Variants in CCDC190 observed in about 807,000 individuals in gnomAD.
CCDC190 encodes coiled-coil domain containing 190, also known as coiled-coil domain-containing protein 190.
In CCDC190, 10 loss-of-function variants were observed where a neutral mutation model predicts 13.1. The observed-to-expected ratio is 0.77, with a 90% CI of 0.47 to 1.30. CCDC190 has a LOEUF of 1.30. Among genes scored for constraint, CCDC190 ranks in the 50% most tolerant of loss-of-function variants. CCDC190 has a pLI of 0.00. For missense variants in CCDC190, 375 were observed against 354.3 expected (o/e 1.06, Z -0.47); for synonymous variants, 136 against 127.2 (o/e 1.07, Z -0.47).
upstream of CCDC190, among the ~76,000 whole-genome samples, chr1:162,863,037 C>T (rs1182082275): frequency 4.6e-5 from 7 of 151,706 alleles, no homozygotes; most frequent in South Asian, 8.3e-4. Context: ...AGAAAATCAG[C>T]GAAGATAGTG....
Position 162,853,023 on chromosome 1 carries a change from G to A in CCDC190, c.*1742C>T. The stretch of plus-strand genomic sequence containing the variant: ...GCTGGTGCAAATAAATTAAGTTTTT[G>A]TGAATCAATCAGTTCTGTCACTTAT... On this transcript the variant is annotated 3_prime_UTR_variant, in exon 4 of 4. Coordinates refer to ENST00000367912, the MANE Select transcript of CCDC190 (RefSeq NM_001394065.1). The A allele has an allele frequency of 8.5e-7, 1 of 1,181,620 alleles. No individual in the cohort carries two copies. The highest frequency in any genetic ancestry group is 1.2e-6 in the Non-Finnish European group (1 of 814,622). The allele number at this position is 1,181,620 out of a possible 1,614,324, so 73.2% of individuals were successfully genotyped here.
At position 162,868,174 on chromosome 1, in the gene CCDC190, A is replaced by G. The variant is rs372081093; in HGVS notation, c.-13+479T>C. On this transcript the variant is annotated intron_variant, in intron 1 of 3. Coordinates refer to the CCDC190 transcript ENST00000367910. ...TCTCCACTAAATAAAATTCTGCAGGATGTATTTGAAGCAGAAAGAAATGTT... is the reference window on the plus strand; with the variant it reads ...TCTCCACTAAATAAAATTCTGCAGGGTGTATTTGAAGCAGAAAGAAATGTT... Among the ~76,000 whole-genome samples the G allele has an allele frequency of 5.9e-5, 9 of 152,320 alleles. No individual in the cohort carries two copies. In the South Asian group the frequency reaches 6.2e-4, roughly 11 times the overall value.
In CCDC190 at chr1:162,854,765, T is replaced by C; in HGVS notation, c.906A>G (p.Ter302=). ...GTTATTGTCAGGCTATGTTAAACGG[T>C]TAGAGAGGAAGAAACTTAGAAGGCA... ...NRVPSKFLPL[*] Residue 302 remains the stop codon, a stop_retained_variant, in exon 4 of 4, where the codon TAA becomes TAG. Coordinates refer to ENST00000367912, the MANE Select transcript of CCDC190 (RefSeq NM_001394065.1). The C allele has an allele frequency of 1.2e-6, 2 of 1,604,178 alleles. No homozygotes were observed. The highest frequency in any genetic ancestry group is 1.7e-6 in the Non-Finnish European group (2 of 1,174,294).
chr1:162,858,589 C>T (rs1005434519), intron 2 of CCDC190, among the ~76,000 whole-genome samples: 24 of 152,146 alleles, frequency 1.6e-4, no homozygotes, highest in African/African-American at 5.3e-4. Flanking sequence ...ATTTTATGTT[C>T]GTTTACAGCA....
chr1:162,867,699 G>A (rs1425097414), intron 1 of CCDC190, among the ~76,000 whole-genome samples: 1 of 152,132 alleles, frequency 6.6e-6, no homozygotes, highest in South Asian at 2.1e-4. Flanking sequence ...CCATCAACAA[G>A]TGAACTGATA....
rs754258885 is a variant in CCDC190, at chr1:162,855,648, G to C, written c.295C>G (p.Gln99Glu). The C allele has an allele frequency of 1.2e-6, 2 of 1,613,838 alleles. No individual in the cohort carries two copies. Among genetic ancestry groups the C allele is most frequent in the Non-Finnish European group, 1.7e-6 (2 of 1,179,744 alleles). ...PQGRQKHRAP[Q>E]AKKMRALATR... The stretch of plus-strand genomic sequence containing the variant: ...ATTTCTTACCTCATTTTCTTAGCCT[G>C]TGGGGCTCTGTGCTTCTGCCTTCCC... The change falls in exon 3 of 4, where the codon CAG (glutamine) becomes GAG (glutamate). Residue 99 changes from glutamine to glutamate, a missense_variant. Coordinates refer to ENST00000367912, the MANE Select transcript of CCDC190 (RefSeq NM_001394065.1).
chr1:162,853,238 C>T lies in CCDC190; in HGVS notation c.*1527G>A. 4 of 1,182,776 alleles carry T rather than the reference C, an allele frequency of 3.4e-6. No homozygotes were observed. In the Middle Eastern group the frequency reaches 6.1e-4, roughly 181 times the overall value. 73.3% of individuals were successfully genotyped at this position (1,182,776 alleles called of 1,614,324 possible). ...GTGGTAGTGTGGTGTAATGAAAGAG[C>T]ATGAGCAAGGAAATTGAGTAGAAGA... On this transcript the variant is annotated 3_prime_UTR_variant, in exon 4 of 4. Coordinates refer to ENST00000367912, the MANE Select transcript of CCDC190 (RefSeq NM_001394065.1).
rs1650162368 is a variant in CCDC190 at position 162,852,898 on chromosome 1, G to A, written c.*1867C>T. ...ATTGTGATGACGATAGGCAAGGCTT[G>A]CGTAGAAGACAAGAAGAAAGAACTT... On this transcript the variant is annotated 3_prime_UTR_variant, in exon 4 of 4. Transcript: ENST00000367912. The A allele has an allele frequency of 1.8e-6, 1 of 557,232 alleles. No individual in the cohort carries two copies. The highest frequency in any genetic ancestry group is 1.9e-5 in the African/African-American group (1 of 52,996). 34.5% of individuals were successfully genotyped at this position (557,232 alleles called of 1,614,324 possible).
upstream of CCDC190, among the ~76,000 whole-genome samples, chr1:162,861,493 C>CT (rs1558113614): frequency 6.6e-6 from 1 of 150,540 alleles, no homozygotes; most frequent in Admixed American, 6.6e-5. Flanking sequence ...ATTCCTACTT[C>CT]TTGAAAACCA....
rs968895680 is a variant in CCDC190 at position 162,853,672 on chromosome 1, C to T, written c.*1093G>A. Among the ~76,000 whole-genome samples, 1 of 152,112 alleles carries T rather than the reference C, an allele frequency of 6.6e-6. No homozygotes were observed. The highest frequency in any genetic ancestry group is 1.5e-5 in the Non-Finnish European group (1 of 68,012). On this transcript the variant is annotated 3_prime_UTR_variant, in exon 4 of 4. Coordinates refer to ENST00000367912, the MANE Select transcript of CCDC190 (RefSeq NM_001394065.1). ...AATATCCCAGGCTGGGTTACATCAA[C>T]TATTGATGCCAGAGATGAAATAGGC...
chr1:162,855,821 C>G (rs1650283756), intron 2 of CCDC190, 66 bp from the exon 3 acceptor site: 1 of 1,454,704 alleles, frequency 6.9e-7, no homozygotes, highest in Non-Finnish European at 9.4e-7. Context: ...ATGCTCAAGT[C>G]CTAACCCCCA....
At position 162,853,040 on chromosome 1, in the gene CCDC190, G is replaced by A. The variant is rs1274339753; in HGVS notation, c.*1725C>T. ...AAGTTTTTGTGAATCAATCAGTTCT[G>A]TCACTTATGGCCTGCCTTCCTCTGT... On this transcript the variant is annotated 3_prime_UTR_variant, in exon 4 of 4. Coordinates refer to ENST00000367912, the MANE Select transcript of CCDC190 (RefSeq NM_001394065.1). The A allele has an allele frequency of 7.5e-7, 1 of 1,334,042 alleles. No homozygotes were observed. The highest frequency in any genetic ancestry group is 1.1e-6 in the Non-Finnish European group (1 of 950,332). The allele number at this position is 1,334,042 out of a possible 1,614,324, so 82.6% of individuals were successfully genotyped here.
chr1:162,857,551 C>T (rs1028372336), intron 2 of CCDC190, among the ~76,000 whole-genome samples: 7 of 152,154 alleles, frequency 4.6e-5, no homozygotes, highest in Non-Finnish European at 7.3e-5. Context: ...ATCATGTATG[C>T]GCCTTTATAC....
At position 162,855,656 on chromosome 1, in the gene CCDC190, C is replaced by T. The variant is rs765622936; in HGVS notation, c.287G>A (p.Arg96Lys). 2 of 1,613,848 alleles carry T rather than the reference C, an allele frequency of 1.2e-6. No individual in the cohort carries two copies. The highest frequency in any genetic ancestry group is 8.5e-7 in the Non-Finnish European group (1 of 1,179,770). ...CCTCATTTTCTTAGCCTGTGGGGCT[C>T]TGTGCTTCTGCCTTCCCTGTGGTGA... ...VFSPQGRQKHRAPQAKKMRAL... is the reference protein window; with the variant it reads ...VFSPQGRQKHKAPQAKKMRAL... The change falls in exon 3 of 4, where the codon AGA (arginine) becomes AAA (lysine). Residue 96 changes from arginine to lysine, a missense_variant. By Grantham distance (26) the Arg-to-Lys change is conservative. Coordinates refer to ENST00000367912, the MANE Select transcript of CCDC190 (RefSeq NM_001394065.1).
rs1650425929 is a variant in CCDC190 at position 162,859,558 on chromosome 1, T to TG, written c.88dup (p.Gln30ProfsTer72). The TG allele has an allele frequency of 6.2e-7, 1 of 1,613,850 alleles. No homozygotes were observed. Among genetic ancestry groups the TG allele is most frequent in the African/African-American group, 1.3e-5 (1 of 74,938 alleles). ...AATAACCTTTAGTCTCTGCAGTCTT[T>TG]GGTCCAGTCTGGCTTCAGCCTGCTT... On this transcript the variant is annotated frameshift_variant, in exon 2 of 4. Coordinates refer to ENST00000367912, the MANE Select transcript of CCDC190 (RefSeq NM_001394065.1). LOFTEE classifies it high-confidence loss of function.
At chr1:162,862,359 T>C (rs2102264236), upstream of CCDC190, among the ~76,000 whole-genome samples, 1 of 152,342 alleles carries the variant, frequency 6.6e-6, no homozygotes, top group African/African-American at 2.4e-5. Context: ...AGGAAAAGAA[T>C]GGTGGCCAAA....
In CCDC190 at chr1:162,859,512, C is replaced by A; in HGVS notation, c.135G>T (p.Leu45Phe). ...GGAGCTGCCTCTGCTCCCAGGTCAG[C>A]AATTTCACATGGTAGAGGCAAATAA... ...LKVICLYHVK[L>F]LTWEQRQLQK... Residue 45 changes from leucine (L) to phenylalanine (F), a missense_variant, in exon 2 of 4, where the codon TTG becomes TTT. Coordinates refer to ENST00000367912, the MANE Select transcript of CCDC190 (RefSeq NM_001394065.1). 2 of 1,613,700 alleles carry A rather than the reference C, an allele frequency of 1.2e-6. No individual in the cohort carries two copies. Among genetic ancestry groups the A allele is most frequent in the Non-Finnish European group, 1.7e-6 (2 of 1,179,786 alleles).
intron 1 of CCDC190, among the ~76,000 whole-genome samples, chr1:162,860,474 T>G (rs1650468882): frequency 6.6e-6 from 1 of 152,146 alleles, no homozygotes; most frequent in Non-Finnish European, 1.5e-5. Flanking sequence ...TTTTCTCTCC[T>G]TTGAGTCTCT....
At chr1:162,862,663 A>AAC (rs1650561962), upstream of CCDC190, among the ~76,000 whole-genome samples, 1 of 152,238 alleles carries the variant, frequency 6.6e-6, no homozygotes, top group South Asian at 2.1e-4. Context: ...GGAACATAGG[A>AAC]ACACAAGAAT....
Sources: gnomAD v4.1 joint callset for allele counts (sites outside exome capture counted in the v4.1 genomes callset) on GRCh38, gnomAD v4.1.1 for gene constraint, MANE v1.5 for transcripts, NCBI Gene and HGNC (gene_info 2026-07-23, HGNC 2026-07-21) for gene names.